Variants in NSUN3 observed in about 807,000 individuals in gnomAD.
The protein encoded by NSUN3 is NOP2/Sun RNA methyltransferase 3, also known as tRNA (cytosine(34)-C(5))-methyltransferase, mitochondrial.
A neutral mutation model predicts 36.8 loss-of-function variants in NSUN3; 24 were observed. That is an observed-to-expected ratio of 0.65 (90% CI 0.47 to 0.92). The LOEUF (loss-of-function observed/expected upper bound fraction) is 0.92, where lower values mean the gene tolerates loss of function less well. Among genes scored for constraint, NSUN3 ranks in the 40% least tolerant of loss-of-function variants. NSUN3 has a pLI of 0.00. For synonymous variants in NSUN3, 146 were observed against 145.2 expected (o/e 1.01, Z -0.04); for missense variants, 381 against 392.8 (o/e 0.97, Z 0.25).
intron 5 of NSUN3, among the ~76,000 whole-genome samples, chr3:94,108,085 A>AT (rs2077398224): frequency 7.1e-6 from 1 of 141,366 alleles, no homozygotes; most frequent in Non-Finnish European, 1.5e-5. Context: ...ATTTTTTTTG[A>AT]TAAAATTTTT....
At position 94,078,968 on chromosome 3, in the gene NSUN3, C is replaced by T. The variant is rs544394783; in HGVS notation, c.123-5139C>T. On this transcript the variant is annotated intron_variant, in intron 2 of 5. Transcript: ENST00000314622. ...GTTATGTGTGAATTTGATCCTGTCA[C>T]TATGATGCTAGCTGTTTATTTTGTC... 3.5e-4 allele frequency among the ~76,000 whole-genome samples: 54 copies of T among 152,236 alleles called. No individual in the cohort carries two copies. The Middle Eastern group carries it at 0.024, about 67-fold the overall frequency.
At chr3:94,104,196 G>A (rs1238974219) in intron 5 of NSUN3, among the ~76,000 whole-genome samples, 9 of 152,124 alleles carry the variant, frequency 5.9e-5, no homozygotes, top group Non-Finnish European at 1.2e-4. Context: ...GGCGACCTGT[G>A]AACATGATTT....
chr3:94,105,182 T>C, intron 5 of NSUN3, among the ~76,000 whole-genome samples: 1 of 152,194 alleles, frequency 6.6e-6, no homozygotes, highest in East Asian at 1.9e-4. Context: ...ACTTGAGCAT[T>C]CTTAGTTATC....
chr3:94,108,656 G>C (rs2077402051), intron 5 of NSUN3, among the ~76,000 whole-genome samples: 1 of 150,348 alleles, frequency 6.7e-6, no homozygotes, highest in South Asian at 2.1e-4. Context: ...ACCGCGCCTG[G>C]CCTTTTTATT....
chr3:94,085,724 A>T (rs2077290134), intron 3 of NSUN3, among the ~76,000 whole-genome samples: 2 of 152,144 alleles, frequency 1.3e-5, no homozygotes, highest in Admixed American at 1.3e-4. Context: ...GCACCACTCC[A>T]CTTCAGCCTG....
chr3:94,065,077 A>G lies in NSUN3; in HGVS notation c.122+531A>G, dbSNP rs377109519. 7.9e-5 allele frequency among the ~76,000 whole-genome samples: 12 copies of G among 152,282 alleles called. No individual in the cohort carries two copies. In the East Asian group the frequency reaches 1.7e-3, roughly 22 times the overall value. ...TGTTTAATGCATGGAAGTGGGAGAAATGTGATTTGTCTGTTTGGTAAGATG... is the reference window on the plus strand; with the variant it reads ...TGTTTAATGCATGGAAGTGGGAGAAGTGTGATTTGTCTGTTTGGTAAGATG... On this transcript the variant is annotated intron_variant, in intron 2 of 5. Transcript: ENST00000314622.
chr3:94,114,241 G>C (rs114025394), intron 5 of NSUN3, among the ~76,000 whole-genome samples: 1 of 152,096 alleles, frequency 6.6e-6, no homozygotes, highest in African/African-American at 2.4e-5. Context: ...ATTTGCTTCA[G>C]GGCACATAGC....
At chr3:94,066,055 T>C (rs555478660) in intron 2 of NSUN3, among the ~76,000 whole-genome samples, 1 of 150,068 alleles carries the variant, frequency 6.7e-6, no homozygotes, top group African/African-American at 2.4e-5. Context: ...GGGATGTGAT[T>C]TAAAAAAAAA....
intron 5 of NSUN3, among the ~76,000 whole-genome samples, chr3:94,110,816 A>ATGTGTG (rs541709907): frequency 2.7e-5 from 4 of 146,422 alleles, no homozygotes; most frequent in Non-Finnish European, 4.6e-5. Context: ...ATATACATAT[A>ATGTGTG]TGTGTGTGTG....
Position 94,117,474 on chromosome 3 carries a change from C to A in NSUN3, c.744-8737C>A, listed in dbSNP as rs1469983203. Among the ~76,000 whole-genome samples, 6 of 152,028 alleles carry A rather than the reference C, an allele frequency of 3.9e-5. No homozygotes were observed. In the East Asian group the frequency reaches 1.2e-3, roughly 29 times the overall value. Reference sequence around the variant, plus strand: ...AACATTATATTCTATTTAATGGTTTCTTTTTAAAAACTGTGTATTGTTTTG... The same window carrying A: ...AACATTATATTCTATTTAATGGTTTATTTTTAAAAACTGTGTATTGTTTTG... On this transcript the variant is annotated intron_variant, in intron 5 of 5. Transcript: ENST00000314622.
At position 94,126,800 on chromosome 3, in the gene NSUN3, T is replaced by A. The variant is rs76765078; in HGVS notation, c.*310T>A. On this transcript the variant is annotated 3_prime_UTR_variant, in exon 6 of 6. Transcript: ENST00000314622. ...GTGGTTTTATGCATAACGTGTTTAGTTCTGTATTCTTTCTATGATAGTGCT... is the reference window on the plus strand; with the variant it reads ...GTGGTTTTATGCATAACGTGTTTAGATCTGTATTCTTTCTATGATAGTGCT... The A allele has an allele frequency of 3.8e-3, 838 of 223,038 alleles. 7 individuals carry two copies. The highest frequency in any genetic ancestry group is 0.017 in the African/African-American group (737 of 43,674). 13.8% of individuals were successfully genotyped at this position (223,038 alleles called of 1,614,324 possible).
At chr3:94,115,709 C>T (rs1261620440) in intron 5 of NSUN3, among the ~76,000 whole-genome samples, 1 of 151,992 alleles carries the variant, frequency 6.6e-6, no homozygotes, top group East Asian at 1.9e-4. Flanking sequence ...TCTGCTCAGC[C>T]CTTTTTAAAT....
chr3:94,117,921 T>G (rs1427979001), intron 5 of NSUN3, among the ~76,000 whole-genome samples: 1 of 152,164 alleles, frequency 6.6e-6, no homozygotes, highest in Non-Finnish European at 1.5e-5. Context: ...AGGGATTATA[T>G]TATGTCGCAA....
At chr3:94,111,941 CGA>C in intron 5 of NSUN3, among the ~76,000 whole-genome samples, 4 of 150,350 alleles carry the variant, frequency 2.7e-5, no homozygotes, top group Admixed American at 6.7e-5. Flanking sequence ...GTCTTTCTAT[CGA>C]GAGAGAGAGA....
chr3:94,129,220 ATAT>A lies in NSUN3; in HGVS notation c.*2732_*2734del, dbSNP rs1416620627. Among the ~76,000 whole-genome samples the A allele has an allele frequency of 6.6e-6, 1 of 152,256 alleles. No individual in the cohort carries two copies. The highest frequency in any genetic ancestry group is 2.4e-5 in the African/African-American group (1 of 41,466). On this transcript the variant is annotated 3_prime_UTR_variant, in exon 6 of 6. Transcript: ENST00000314622. ...AAACGCTTGTGTGTTCATCACAGTA[ATAT>A]TTACAATAGTAAAGATACGGAATCA...
intron 3 of NSUN3, among the ~76,000 whole-genome samples, chr3:94,093,203 GT>G (rs576886199): frequency 1.3e-4 from 18 of 141,954 alleles, no homozygotes; most frequent in Admixed American, 1.4e-4. Flanking sequence ...GTCACTAAAA[GT>G]TTTTTTTTTT....
intron 3 of NSUN3, among the ~76,000 whole-genome samples, chr3:94,088,565 C>A (rs2077302084): frequency 6.6e-6 from 1 of 151,788 alleles, no homozygotes; most frequent in South Asian, 2.1e-4. Flanking sequence ...CTCAAGTTTT[C>A]ATTGTTGTAG....
intron 2 of NSUN3, chr3:94,076,225 TATTTC>T: frequency 1.1e-6 from 1 of 917,286 alleles, no homozygotes; most frequent in Non-Finnish European, 1.8e-6. Flanking sequence ...GAACCTGGAA[TATTTC>T]ATCCATGTGA....
chr3:94,091,340 GAGAA>G (rs1182014473), intron 3 of NSUN3, among the ~76,000 whole-genome samples: 1 of 152,056 alleles, frequency 6.6e-6, no homozygotes, highest in Non-Finnish European at 1.5e-5. Flanking sequence ...AAGCAAAATA[GAGAA>G]AGAGAGAGAG....
Sources: gnomAD v4.1 joint callset for allele counts (sites outside exome capture counted in the v4.1 genomes callset) on GRCh38, gnomAD v4.1.1 for gene constraint, MANE v1.5 for transcripts, NCBI Gene and HGNC (gene_info 2026-07-23, HGNC 2026-07-21) for gene names.